P2RX4: variants seen among roughly 807,000 people sequenced by gnomAD.
The protein encoded by P2RX4 is purinergic receptor P2X 4, also known as P2X purinoceptor 4.
In P2RX4, 37 loss-of-function variants were observed where a neutral mutation model predicts 48.0. The ratio of observed to expected loss-of-function variants is 0.77; its 90% CI spans 0.59 to 1.01. P2RX4 has a LOEUF of 1.01. Among genes scored for constraint, P2RX4 ranks in the 50% least tolerant of loss-of-function variants. P2RX4 has a pLI of 0.00. For missense variants in P2RX4, 501 were observed against 521.4 expected, an observed-to-expected ratio of 0.96 and a Z score of 0.38; for synonymous variants, 200 against 199.7, an observed-to-expected ratio of 1.00 and a Z score of -0.01.
chr12:121,225,143 G>T (rs1234754135), intron 5 of P2RX4, among the ~76,000 whole-genome samples: 2 of 149,032 alleles, frequency 1.3e-5, no homozygotes, highest in Non-Finnish European at 3.0e-5. Context: ...CGTGATCTTG[G>T]CTCACCACAA....
chr12:121,228,343 C>T (rs1177741715), intron 5 of P2RX4, among the ~76,000 whole-genome samples, 190 bp from the exon 6 acceptor site: 2 of 132,648 alleles, frequency 1.5e-5, no homozygotes, highest in African/African-American at 2.9e-5. Flanking sequence ...AGCCTGCACT[C>T]GAGGTGACAG....
At chr12:121,222,405 T>G (rs544337680) in intron 4 of P2RX4, 540 of 551,560 alleles carry the variant, frequency 9.8e-4, no homozygotes, top group African/African-American at 4.5e-3. Context: ...CTTGTTTTTT[T>G]TTTTGTTTTG....
chr12:121,220,569 G>A (rs886846956), intron 2 of P2RX4, among the ~76,000 whole-genome samples: 2 of 152,108 alleles, frequency 1.3e-5, no homozygotes, highest in Admixed American at 1.3e-4. Flanking sequence ...CCAGGAGGCG[G>A]AGATTGCAGT....
chr12:121,212,805 TATATATATATATATATATA>T (rs1686666534), intron 1 of P2RX4: 1 of 32,044 alleles, frequency 3.1e-5, no homozygotes, highest in Non-Finnish European at 6.0e-5. Context: ...TATATATATA[TATATATATATATATATATA>T]TTTTTTTTTT....
At position 121,229,195 on chromosome 12, in the gene P2RX4, A is replaced by G; in HGVS notation, c.884+96A>G. Reference sequence around the variant, plus strand: ...GCCCACTGAAGACCAGCACTCAGGCAGCACCCCAAGGGCAGGCTGCCGGTC... The same window carrying G: ...GCCCACTGAAGACCAGCACTCAGGCGGCACCCCAAGGGCAGGCTGCCGGTC... On this transcript the variant is annotated intron_variant, in intron 8 of 11. Transcript: ENST00000337233. This position sits in a 1 kb window ranked among gnomAD's most constrained non-coding sequence, Gnocchi z 4.6. The G allele has an allele frequency of 1.4e-6, 2 of 1,466,168 alleles. No homozygotes were observed. The highest frequency in any genetic ancestry group is 1.9e-6 in the Non-Finnish European group (2 of 1,051,944). The allele number at this position is 1,466,168 out of a possible 1,614,324, so 90.8% of individuals were successfully genotyped here.
In P2RX4 at chr12:121,233,605, G is replaced by C; in HGVS notation, c.*56G>C. ...CCCATCAAAGAACAGAGAGGAGGAG[G>C]AGGGAGAAATGGCCACCACATCACC... On this transcript the variant is annotated 3_prime_UTR_variant, in exon 12 of 12. Coordinates refer to ENST00000337233, the MANE Select transcript of P2RX4 (RefSeq NM_002560.3). The C allele has an allele frequency of 1.9e-6, 3 of 1,586,868 alleles. No individual in the cohort carries two copies. The highest frequency in any genetic ancestry group is 1.7e-6 in the Non-Finnish European group (2 of 1,165,116).
intron 5 of P2RX4, among the ~76,000 whole-genome samples, chr12:121,226,415 G>A (rs1047557489): frequency 3.3e-5 from 5 of 151,564 alleles, no homozygotes; most frequent in East Asian, 4.0e-4. Context: ...GTGGTGGTGC[G>A]CACCTGTAAT....
intron 1 of P2RX4, chr12:121,216,867 C>G (rs1886259647): frequency 1.5e-6 from 1 of 679,462 alleles, no homozygotes; most frequent in Non-Finnish European, 2.7e-6. Flanking sequence ...AGACAGTATT[C>G]ATCGAGCGTT....
intron 4 of P2RX4, 120 bp downstream of exon 4, chr12:121,222,286 G>C: frequency 1.3e-6 from 1 of 742,304 alleles, no homozygotes; most frequent in Non-Finnish European, 2.3e-6. Flanking sequence ...GCCAGGTGCC[G>C]AGGCTGGGGT....
At chr12:121,228,385 AAT>A (rs1184622475) in intron 5 of P2RX4, 146 bp from the exon 6 acceptor site, 1,816 of 120,304 alleles carry the variant, frequency 0.015, 47 homozygotes, top group African/African-American at 0.028. Context: ...AAAAAAAAAA[AAT>A]ATATATATAT....
chr12:121,226,215 C>A (rs868164979), intron 5 of P2RX4, among the ~76,000 whole-genome samples: 1 of 151,980 alleles, frequency 6.6e-6, no homozygotes, highest in Non-Finnish European at 1.5e-5. Context: ...AGATCTAATG[C>A]GGTGTAAAAT....
intron 5 of P2RX4, 146 bp from the exon 6 acceptor site, chr12:121,228,384 AAAT>A (rs1445571231): frequency 0.01 from 1,660 of 165,628 alleles, 9 homozygotes; most frequent in African/African-American, 0.022. Context: ...AAAAAAAAAA[AAAT>A]ATATATATAT....
chr12:121,219,581 A>G (rs966184235), intron 2 of P2RX4, among the ~76,000 whole-genome samples: 13 of 91,400 alleles, frequency 1.4e-4, no homozygotes, highest in Admixed American at 1.1e-3. Context: ...TGGGTGGTGG[A>G]TGGATGGATG....
chr12:121,219,618 T>TGG (rs1566001870), intron 2 of P2RX4, among the ~76,000 whole-genome samples: 6,052 of 95,504 alleles, frequency 0.063, 164 homozygotes, highest in South Asian at 0.087. Flanking sequence ...GATGGATGGA[T>TGG]AGATAGATAG....
intron 1 of P2RX4, chr12:121,212,932 T>C (rs1179143865): frequency 6.7e-6 from 1 of 150,224 alleles, no homozygotes; most frequent in African/African-American, 2.5e-5. Flanking sequence ...CTTTTTGCTT[T>C]TGGCGTTTGC....
At chr12:121,217,308 T>C (rs777130113) in intron 2 of P2RX4, 27 bp downstream of exon 2, 2 of 1,607,796 alleles carry the variant, frequency 1.2e-6, no homozygotes, top group African/African-American at 2.7e-5. Flanking sequence ...GTCTTCTGTC[T>C]AACACTGACA....
chr12:121,228,317 C>A (rs1209579123), intron 5 of P2RX4, among the ~76,000 whole-genome samples: 1 of 146,128 alleles, frequency 6.8e-6, no homozygotes, highest in African/African-American at 2.5e-5. Context: ...GAGCTGAGAT[C>A]GCGCCATTGC....
At chr12:121,214,342 A>G (rs1886083172) in intron 1 of P2RX4, 1 of 151,932 alleles carries the variant, frequency 6.6e-6, no homozygotes, top group Non-Finnish European at 1.5e-5. Flanking sequence ...TGCTATAATC[A>G]AAACTGACTC....
At chr12:121,222,305 C>T (rs1246955572) in intron 4 of P2RX4, 139 bp downstream of exon 4, 4 of 662,026 alleles carry the variant, frequency 6.0e-6, no homozygotes, top group African/African-American at 3.6e-5. Context: ...GTCCTGGAGC[C>T]CCTCTACATT....
Sources: allele counts gnomAD v4.1 joint callset (sites outside exome capture counted in the v4.1 genomes callset), GRCh38; gene constraint gnomAD v4.1.1; non-coding constraint Gnocchi (gnomAD v3.1); transcripts MANE v1.5; gene names NCBI Gene and HGNC (gene_info 2026-07-23, HGNC 2026-07-21).